The following DMD variants were observed in gnomAD, a reference collection of about 807,000 sequenced individuals.
DMD encodes the protein dystrophin, also known as mutant dystrophin.
DMD carries 63 observed loss-of-function variants against 330.1 expected under a neutral mutation model. That is an observed-to-expected ratio of 0.19 (90% CI 0.16 to 0.24). DMD has a LOEUF of 0.24. DMD is among the 10% of genes least tolerant of loss of function. The probability of loss-of-function intolerance (pLI) is 1.00; values close to 1 mark genes in which losing one functional copy is unlikely to be tolerated. For synonymous variants in DMD, 1,223 were observed against 959.8 expected (o/e 1.27, Z -5.07); for missense variants, 3,344 against 2,684.1 (o/e 1.25, Z -5.43).
At chrX:32,085,362 T>G (rs1393888036) in intron 44 of DMD, among the ~76,000 whole-genome samples, 1 of 109,378 alleles carries the variant, frequency 9.1e-6, no homozygotes, top group East Asian at 2.9e-4. Flanking sequence ...TGGATAGTGG[T>G]GAACTTTGGA....
chrX:32,464,860 T>C (rs1003351023), intron 23 of DMD, among the ~76,000 whole-genome samples, 161 bp from the exon 24 acceptor site: 4 of 112,243 alleles, frequency 3.6e-5, no homozygotes, highest in African/African-American at 1.3e-4. Flanking sequence ...TAAGACTGCA[T>C]TTTTATGGTC....
At chrX:31,249,342 A>T (rs1415421489) in intron 63 of DMD, among the ~76,000 whole-genome samples, 1 of 111,084 alleles carries the variant, frequency 9.0e-6, no homozygotes, top group Non-Finnish European at 1.9e-5. Context: ...CCCAGGTTCA[A>T]GCAATTCTCC....
intron 2 of DMD, among the ~76,000 whole-genome samples, chrX:32,868,580 A>C (rs1226555463): frequency 8.9e-6 from 1 of 112,229 alleles, no homozygotes; most frequent in Non-Finnish European, 1.9e-5. Context: ...GGGAGACTGG[A>C]CAGTTTGAAC....
intron 57 of DMD, among the ~76,000 whole-genome samples, chrX:31,483,316 G>C (rs1283823591): frequency 1.8e-5 from 2 of 111,448 alleles, no homozygotes; most frequent in Admixed American, 9.5e-5. Flanking sequence ...AAAGTGCTGG[G>C]ATTACAGGCG....
At chrX:32,275,428 A>G (rs139759675) in intron 43 of DMD, among the ~76,000 whole-genome samples, 4,356 of 111,799 alleles carry the variant, frequency 0.039, 215 homozygotes, top group African/African-American at 0.13. Flanking sequence ...CATTATATAT[A>G]CAAGCAAAAT....
Position 32,771,812 on chromosome X carries a change from G to A in DMD, c.649+37681C>T, listed in dbSNP as rs1379997863. Among the ~76,000 whole-genome samples, 4 of 111,812 alleles carry A rather than the reference G, an allele frequency of 3.6e-5. No homozygotes were observed. In the Admixed American group the frequency reaches 3.8e-4, roughly 11 times the overall value. On this transcript the variant is annotated intron_variant, in intron 7 of 78. Transcript: ENST00000357033. Reference sequence around the variant, plus strand: ...TAAAAGCACTGATCAAGAATGAGAGGATTTTGTTTTATCTTTGAGGTTTAT... The same window carrying A: ...TAAAAGCACTGATCAAGAATGAGAGAATTTTGTTTTATCTTTGAGGTTTAT...
intron 55 of DMD, among the ~76,000 whole-genome samples, chrX:31,580,056 T>C (rs1040423307): frequency 3.6e-5 from 4 of 111,812 alleles, no homozygotes; most frequent in Non-Finnish European, 7.5e-5. Context: ...TTTTCACTTA[T>C]ATGAACCCTG....
chrX:32,718,954 A>T (rs2065991085), intron 7 of DMD, among the ~76,000 whole-genome samples: 1 of 112,182 alleles, frequency 8.9e-6, no homozygotes, highest in Non-Finnish European at 1.9e-5. Context: ...CCATTAGGTA[A>T]ATAATCTGTA....
At chrX:31,604,499 A>T (rs1486113811) in intron 55 of DMD, among the ~76,000 whole-genome samples, 1 of 111,759 alleles carries the variant, frequency 8.9e-6, no homozygotes, top group East Asian at 2.8e-4. Flanking sequence ...GAGCAAGTCG[A>T]GTGAAGGCAT....
chrX:32,476,866 T>C (rs1423848946), intron 21 of DMD, among the ~76,000 whole-genome samples: 1 of 111,277 alleles, frequency 9.0e-6, no homozygotes, highest in African/African-American at 3.3e-5. Context: ...GAAACTCACT[T>C]TTTTTCCTTT....
chrX:32,170,181 A>G (rs2096882609), intron 44 of DMD, among the ~76,000 whole-genome samples: 2 of 110,723 alleles, frequency 1.8e-5, no homozygotes, highest in African/African-American at 6.6e-5. Flanking sequence ...ATTAAAAAAG[A>G]AAGAGTGGGC....
chrX:32,582,756 T>C (rs2053790012), intron 13 of DMD, among the ~76,000 whole-genome samples: 1 of 111,952 alleles, frequency 8.9e-6, no homozygotes, highest in Non-Finnish European at 1.9e-5. Context: ...GACAGGCTTT[T>C]ATTTGACTAT....
chrX:31,670,251 T>C (rs1279714586), intron 53 of DMD, among the ~76,000 whole-genome samples: 2 of 112,053 alleles, frequency 1.8e-5, no homozygotes, highest in Non-Finnish European at 3.8e-5. Context: ...GAGATAATTT[T>C]ACTTATTCCT....
chrX:32,134,679 C>T (rs749003887), intron 44 of DMD, among the ~76,000 whole-genome samples: 22 of 111,481 alleles, frequency 2.0e-4, no homozygotes, highest in African/African-American at 2.9e-4. Context: ...TTTCTTCCAG[C>T]GCTATATTAT....
intron 47 of DMD, among the ~76,000 whole-genome samples, chrX:31,890,912 C>A: frequency 8.9e-6 from 1 of 111,747 alleles, no homozygotes; most frequent in East Asian, 2.8e-4. Flanking sequence ...AAAAAATTTT[C>A]TATCAAATGG....
At chrX:31,687,148 G>A (rs1237674311) in intron 52 of DMD, among the ~76,000 whole-genome samples, 2 of 111,408 alleles carry the variant, frequency 1.8e-5, no homozygotes, top group Non-Finnish European at 3.8e-5. Flanking sequence ...GGCCTTGAAC[G>A]TTGAATAACC....
At chrX:32,001,314 C>T (rs759816846) in intron 44 of DMD, among the ~76,000 whole-genome samples, 1 of 111,059 alleles carries the variant, frequency 9.0e-6, no homozygotes, top group East Asian at 2.8e-4. Context: ...AAAGTAGGCA[C>T]TTTTATTTGC....
intron 7 of DMD, among the ~76,000 whole-genome samples, chrX:32,772,553 C>T (rs1373859977): frequency 2.7e-5 from 3 of 112,029 alleles, no homozygotes; most frequent in Non-Finnish European, 5.6e-5. Context: ...TAAGGTCACA[C>T]ATCTGGTAGG....
At chrX:33,078,927 C>A (rs1275314937) in intron 1 of DMD, among the ~76,000 whole-genome samples, 4 of 112,268 alleles carry the variant, frequency 3.6e-5, no homozygotes, top group Non-Finnish European at 7.5e-5. Context: ...ACACCATTCA[C>A]TCTTCTATTT....
Sources: gnomAD v4.1 joint callset for allele counts (sites outside exome capture counted in the v4.1 genomes callset) on GRCh38, gnomAD v4.1.1 for gene constraint, MANE v1.5 for transcripts, NCBI Gene and HGNC (gene_info 2026-07-23, HGNC 2026-07-21) for gene names.